DLGAP1: variants seen among roughly 807,000 people sequenced by gnomAD.
DLGAP1 encodes the protein DLG associated protein 1, also known as disks large-associated protein 1.
In DLGAP1, 11 loss-of-function variants were observed where a neutral mutation model predicts 90.8. That is an observed-to-expected ratio of 0.12 (90% CI 0.08 to 0.20). The LOEUF is 0.20. Among genes scored for constraint, DLGAP1 ranks in the 10% least tolerant of loss-of-function variants. The pLI, the probability that DLGAP1 is intolerant of heterozygous loss-of-function variation, is 1.00. For synonymous variants in DLGAP1, 558 were observed against 540.7 expected, an observed-to-expected ratio of 1.03 and a Z score of -0.44; for missense variants, 1,050 against 1,333.8, an observed-to-expected ratio of 0.79 and a Z score of 3.31.
intron 1 of DLGAP1, among the ~76,000 whole-genome samples, chr18:4,270,302 C>G (rs1293920123): frequency 6.6e-6 from 1 of 152,146 alleles, no homozygotes; most frequent in Non-Finnish European, 1.5e-5. Context: ...AAAGCCAAGC[C>G]TCACTTTGTT....
Position 3,614,150 on chromosome 18 carries a change from G to A in DLGAP1, c.1592-31902C>T, listed in dbSNP as rs62083193. Among the ~76,000 whole-genome samples the A allele has an allele frequency of 4.8e-3, 723 of 152,086 alleles. 2 individuals carry two copies. The highest frequency in any genetic ancestry group is 6.7e-3 in the Non-Finnish European group (456 of 68,004). ...GACCAGACTGGTCTCGAACTCCTGAGCTCAGGCAATCCGCCCGCCTCGGCC... is the reference window on the plus strand; with the variant it reads ...GACCAGACTGGTCTCGAACTCCTGAACTCAGGCAATCCGCCCGCCTCGGCC... On this transcript the variant is annotated intron_variant, in intron 7 of 12. Coordinates refer to ENST00000315677, the MANE Select transcript of DLGAP1 (RefSeq NM_004746.4).
intron 1 of DLGAP1, among the ~76,000 whole-genome samples, chr18:4,370,111 G>A (rs1458031793): frequency 6.6e-6 from 1 of 152,200 alleles, no homozygotes. Context: ...GGCTATAGGT[G>A]AGGGGTGAAT....
intron 2 of DLGAP1, among the ~76,000 whole-genome samples, chr18:4,021,963 G>A (rs184445468): frequency 6.6e-6 from 1 of 152,216 alleles, no homozygotes; most frequent in African/African-American, 2.4e-5. Flanking sequence ...AATGAGTTCT[G>A]TCCTCAACTG....
chr18:3,990,840 A>T (rs555529032), intron 3 of DLGAP1, among the ~76,000 whole-genome samples: 3 of 152,054 alleles, frequency 2.0e-5, no homozygotes, highest in African/African-American at 7.2e-5. Context: ...ATAAAGAGGC[A>T]GATATAGGAA....
intron 7 of DLGAP1, among the ~76,000 whole-genome samples, chr18:3,674,590 A>T (rs2060228373): frequency 6.6e-6 from 1 of 151,274 alleles, no homozygotes; most frequent in Admixed American, 6.6e-5. Context: ...ATGGCACTTC[A>T]GCCTGGGTGA....
chr18:3,688,683 GAAAC>G (rs2060795603), intron 7 of DLGAP1, among the ~76,000 whole-genome samples: 1 of 132,186 alleles, frequency 7.6e-6, no homozygotes, highest in Admixed American at 7.8e-5. Context: ...CCAAAAATAA[GAAAC>G]AAAACTTGAA....
At chr18:3,912,404 C>T (rs144478380) in intron 3 of DLGAP1, among the ~76,000 whole-genome samples, 2,077 of 152,080 alleles carry the variant, frequency 0.014, 30 homozygotes, top group South Asian at 0.025. Flanking sequence ...GCCTAGTGTG[C>T]GAGGTTTATT....
chr18:3,722,523 T>C (rs1955576174), intron 7 of DLGAP1: 1 of 152,158 alleles, frequency 6.6e-6, no homozygotes, highest in Non-Finnish European at 1.5e-5. Context: ...TCTTTTTTCT[T>C]TCGTCTGAGC....
intron 9 of DLGAP1, among the ~76,000 whole-genome samples, chr18:3,548,180 T>C (rs2053168503): frequency 6.6e-6 from 1 of 152,218 alleles, no homozygotes; most frequent in Non-Finnish European, 1.5e-5. Flanking sequence ...ATGATGGTTG[T>C]ACAATGTTGT....
intron 7 of DLGAP1, among the ~76,000 whole-genome samples, chr18:3,691,134 A>G (rs1019654127): frequency 2.0e-5 from 3 of 152,204 alleles, no homozygotes; most frequent in African/African-American, 4.8e-5. Flanking sequence ...TCGAAAAATC[A>G]TAAGTAGGAT....
In DLGAP1 at chr18:4,247,218, A is replaced by T. The variant is rs139611873; in HGVS notation, c.-266-95931T>A. Among the ~76,000 whole-genome samples, 354 of 152,308 alleles carry T rather than the reference A, an allele frequency of 2.3e-3. 2 individuals are homozygous for T. The highest frequency in any genetic ancestry group is 8.2e-3 in the African/African-American group (340 of 41,564). On this transcript the variant is annotated intron_variant, in intron 1 of 12. Coordinates refer to ENST00000315677, the MANE Select transcript of DLGAP1 (RefSeq NM_004746.4). ...ATTACTGAGTGCATCCATGTGTTTC[A>T]CACTGATGTAAGTATTTTTCACGTA... is the stretch of plus-strand genomic sequence containing the variant.
At chr18:4,407,898 AAAT>A (rs2082697899) in intron 1 of DLGAP1, among the ~76,000 whole-genome samples, 3 of 148,188 alleles carry the variant, frequency 2.0e-5, no homozygotes, top group Non-Finnish European at 1.5e-5. Flanking sequence ...ATATATAAAT[AAAT>A]AAGAAAAGTA....
At chr18:3,719,677 G>T (rs573067944) in intron 7 of DLGAP1, among the ~76,000 whole-genome samples, 36 of 152,014 alleles carry the variant, frequency 2.4e-4, no homozygotes, top group Middle Eastern at 3.4e-3. Context: ...AGGGGTACAG[G>T]GACCTCTATG....
chr18:4,086,278 A>G (rs2075679649), intron 2 of DLGAP1, among the ~76,000 whole-genome samples: 1 of 152,162 alleles, frequency 6.6e-6, no homozygotes, highest in East Asian at 1.9e-4. Context: ...TAGTCATTCA[A>G]TTGCTCCCCT....
intron 2 of DLGAP1, among the ~76,000 whole-genome samples, chr18:4,117,624 T>C (rs1222771676): frequency 3.9e-5 from 6 of 152,324 alleles, no homozygotes; most frequent in African/African-American, 9.6e-5. Flanking sequence ...TTACCTTGGA[T>C]GTGTTTGTGG....
chr18:3,512,429 T>C (rs3786453), intron 10 of DLGAP1, among the ~76,000 whole-genome samples: 64,124 of 151,720 alleles, frequency 0.42, 14,278 homozygotes, highest in East Asian at 0.63. Flanking sequence ...ATTCTTCCTA[T>C]TTAAGAAGTA....
At chr18:3,684,547 C>G (rs1319879850) in intron 7 of DLGAP1, among the ~76,000 whole-genome samples, 1 of 152,054 alleles carries the variant, frequency 6.6e-6, no homozygotes, top group Non-Finnish European at 1.5e-5. Flanking sequence ...AGTGATCTTC[C>G]ACTTTCATTG....
At chr18:4,019,237 C>T (rs2074570641) in intron 2 of DLGAP1, among the ~76,000 whole-genome samples, 1 of 152,042 alleles carries the variant, frequency 6.6e-6, no homozygotes, top group African/African-American at 2.4e-5. Context: ...TTAGAAGATG[C>T]CCCTTACTTT....
At chr18:3,650,588 G>A (rs1487495014) in intron 7 of DLGAP1, among the ~76,000 whole-genome samples, 1 of 152,188 alleles carries the variant, frequency 6.6e-6, no homozygotes, top group African/African-American at 2.4e-5. Context: ...TAAACAGGAT[G>A]TCTGGGTTTC....
Sources: allele counts gnomAD v4.1 joint callset (sites outside exome capture counted in the v4.1 genomes callset), GRCh38; gene constraint gnomAD v4.1.1; transcripts MANE v1.5; gene names NCBI Gene and HGNC (gene_info 2026-07-23, HGNC 2026-07-21).